Variants in ECPAS observed in about 807,000 individuals in gnomAD.
The protein encoded by ECPAS is proteasome adapter and scaffold protein ECM29.
ECPAS carries 70 observed loss-of-function variants against 255.1 expected under a neutral mutation model. The ratio of observed to expected loss-of-function variants is 0.27; its 90% confidence interval spans 0.23 to 0.33. The LOEUF (loss-of-function observed/expected upper bound fraction) is 0.33, where lower values mean the gene tolerates loss of function less well. Ranked by LOEUF, ECPAS falls within the 10% of genes least tolerant of loss-of-function variation. The pLI, the probability that ECPAS is intolerant of heterozygous loss-of-function variation, is 1.00. For missense variants in ECPAS, 1,817 were observed against 2,206.4 expected (o/e 0.82, Z 3.54); for synonymous variants, 784 against 775.0 (o/e 1.01, Z -0.19).
At position 111,361,646 on chromosome 9, in the gene ECPAS, A is replaced by G. The variant is rs1032439904; in HGVS notation, c.*384T>C. 1 of 155,160 alleles carries G rather than the reference A, an allele frequency of 6.4e-6. No individual in the cohort carries two copies. Among genetic ancestry groups the G allele is most frequent in the African/African-American group, 2.4e-5 (1 of 41,532 alleles). 9.6% of individuals were successfully genotyped at this position (155,160 alleles called of 1,614,324 possible). A position where few individuals can be genotyped will look rare whatever the true frequency, so the allele number is the denominator to read the frequency against. The stretch of plus-strand genomic sequence containing the variant: ...CTTCAGGTGTAAGAGGGAGGTTAAA[A>G]TAAGTTATTTATAGGGCCCCTTCCT... On this transcript the variant is annotated 3_prime_UTR_variant, in exon 50 of 50. Coordinates refer to ENST00000684092, the MANE Select transcript of ECPAS (RefSeq NM_001364929.1).
intron 26 of ECPAS, 125 bp from the exon 27 acceptor site, chr9:111,393,859 C>T: frequency 4.0e-6 from 3 of 757,244 alleles, no homozygotes; most frequent in Non-Finnish European, 6.5e-6. Context: ...CGCTGTTTTG[C>T]TCTCATCTTT....
chr9:111,410,149 A>T lies in ECPAS; in HGVS notation c.2442T>A (p.Ile814=). 6.2e-7 allele frequency: 1 copy of T among 1,612,844 alleles called. No homozygotes were observed. Among genetic ancestry groups the T allele is most frequent in the Non-Finnish European group, 8.5e-7 (1 of 1,179,494 alleles). Reference sequence around the variant, plus strand: ...GGATTGGAAGTGGACCATTTCTGCCAATTTCACCCAGGGCTGTGCAGGCAG... The same window carrying T: ...GGATTGGAAGTGGACCATTTCTGCCTATTTCACCCAGGGCTGTGCAGGCAG... The part of the protein sequence containing the change: ...AIAACTALGE[I]GRNGPLPIPS... Residue 814 remains isoleucine, a synonymous_variant, in exon 23 of 50, where the codon ATT becomes ATA. Coordinates refer to ENST00000684092, the MANE Select transcript of ECPAS (RefSeq NM_001364929.1).
At chr9:111,425,284 T>C in intron 12 of ECPAS, 134 bp downstream of exon 12, 2 of 573,592 alleles carry the variant, frequency 3.5e-6, no homozygotes, top group Non-Finnish European at 2.8e-6. Context: ...AAATTTGTAC[T>C]ATTTCAAGTA....
At chr9:111,448,591 G>A (rs996728686) in intron 3 of ECPAS, among the ~76,000 whole-genome samples, 2 of 152,190 alleles carry the variant, frequency 1.3e-5, no homozygotes, top group African/African-American at 4.8e-5. Flanking sequence ...CTGGAAGACA[G>A]GTTCAAGACA....
intron 15 of ECPAS, among the ~76,000 whole-genome samples, chr9:111,421,001 T>C (rs1365372620): frequency 2.0e-5 from 3 of 152,230 alleles, no homozygotes; most frequent in African/African-American, 7.2e-5. Flanking sequence ...TCTGTGTTTA[T>C]TCAAGCATCA....
rs2098113645 is a variant in ECPAS, at chr9:111,361,861, A to C, written c.*169T>G. On this transcript the variant is annotated 3_prime_UTR_variant, in exon 50 of 50. Transcript: ENST00000684092. ...CCCAGATACTTTAAAAACATAAAGT[A>C]AAATAAAGCTAATAAGGAACAAAAT... is the stretch of plus-strand genomic sequence containing the variant. 1 of 745,230 alleles carries C rather than the reference A, an allele frequency of 1.3e-6. No homozygotes were observed. Among genetic ancestry groups the C allele is most frequent in the African/African-American group, 1.8e-5 (1 of 55,702 alleles). The allele number at this position is 745,230 out of a possible 1,614,324, so 46.2% of individuals were successfully genotyped here.
rs557739244 is a variant in ECPAS, at chr9:111,390,083, G to A, written c.3180C>T (p.Tyr1060=). Residue 1060 remains tyrosine, a synonymous_variant, in exon 30 of 50, where the codon TAC becomes TAT. Coordinates refer to ENST00000684092, the MANE Select transcript of ECPAS (RefSeq NM_001364929.1). ...KTPDGQGLST[Y]KELCSLASDL... ...CACTTGCCAGAGAACAAAGTTCCTT[G>A]TAAGTAGAAAGGCCCTGACTTGGAA... 7.6e-6 allele frequency: 12 copies of A among 1,587,628 alleles called. No homozygotes were observed. The African/African-American group carries it at 1.2e-4, about 16-fold the overall frequency.
At chr9:111,414,130 A>G in intron 19 of ECPAS, 144 bp from the exon 20 acceptor site, 2 of 616,320 alleles carry the variant, frequency 3.2e-6, no homozygotes, top group Non-Finnish European at 5.4e-6. Flanking sequence ...AAACCTACAC[A>G]ACCTAAATAT....
At chr9:111,463,977 A>G (rs1363501915) in intron 2 of ECPAS, among the ~76,000 whole-genome samples, 1 of 152,220 alleles carries the variant, frequency 6.6e-6, no homozygotes, top group Non-Finnish European at 1.5e-5. Flanking sequence ...CAGTCAGCAA[A>G]GAGATAAGGA....
chr9:111,467,668 T>C (rs544102088), intron 2 of ECPAS, among the ~76,000 whole-genome samples: 3 of 152,216 alleles, frequency 2.0e-5, no homozygotes, highest in Non-Finnish European at 4.4e-5. Context: ...TTTTAAAAGA[T>C]CTATCAAGTT....
chr9:111,443,802 G>A (rs941844184), intron 4 of ECPAS, among the ~76,000 whole-genome samples: 24 of 151,762 alleles, frequency 1.6e-4, no homozygotes, highest in African/African-American at 5.8e-4. Context: ...ACAAGGACCA[G>A]GAAAAAAAAC....
At chr9:111,467,204 G>GA (rs1242620678) in intron 2 of ECPAS, among the ~76,000 whole-genome samples, 2 of 151,544 alleles carry the variant, frequency 1.3e-5, no homozygotes, top group Non-Finnish European at 2.9e-5. Flanking sequence ...AAAGAGAAGA[G>GA]AAAAAAGAAG....
chr9:111,392,232 T>A (rs1361633867), intron 28 of ECPAS, among the ~76,000 whole-genome samples: 2 of 152,062 alleles, frequency 1.3e-5, no homozygotes, highest in Admixed American at 1.3e-4. Context: ...AGAGCAAGAC[T>A]ACAACAACAA....
intron 25 of ECPAS, among the ~76,000 whole-genome samples, chr9:111,395,537 G>C (rs942750015): frequency 1.4e-4 from 22 of 152,076 alleles, no homozygotes; most frequent in African/African-American, 5.1e-4. Flanking sequence ...TGGACAATTG[G>C]AGATTCCTTT....
rs2098124122 is a variant in ECPAS, at chr9:111,369,030, C to A, written c.5113+5G>T. The A allele has an allele frequency of 6.4e-7, 1 of 1,561,510 alleles. No individual in the cohort carries two copies. The highest frequency in any genetic ancestry group is 2.1e-5 in the Admixed American group (1 of 46,916). On this transcript the variant is annotated splice_donor_5th_base_variant and intron_variant, in intron 46 of 49. Transcript: ENST00000684092. ...AGCACTTCAAATGCAGTTTCTGGTGCTTACGTTGGGTCTCCGCGTTTCGCG... is the reference window on the plus strand; with the variant it reads ...AGCACTTCAAATGCAGTTTCTGGTGATTACGTTGGGTCTCCGCGTTTCGCG...
intron 48 of ECPAS, among the ~76,000 whole-genome samples, chr9:111,363,981 T>A (rs765477366): frequency 6.6e-5 from 10 of 152,166 alleles, no homozygotes; most frequent in Non-Finnish European, 1.3e-4. Context: ...CATCTTCGTA[T>A]CACGGATAAG....
intron 2 of ECPAS, among the ~76,000 whole-genome samples, chr9:111,463,503 A>T (rs2098275692): frequency 6.6e-6 from 1 of 152,250 alleles, no homozygotes; most frequent in Non-Finnish European, 1.5e-5. Context: ...AATGGAACAG[A>T]GTATGAAACA....
intron 36 of ECPAS, 39 bp downstream of exon 36, chr9:111,378,541 C>T: frequency 1.3e-6 from 2 of 1,585,214 alleles, no homozygotes; most frequent in South Asian, 1.1e-5. Context: ...GGGCTCTTCC[C>T]TCATGATACT....
chr9:111,439,140 C>A (rs2098242274), intron 6 of ECPAS, among the ~76,000 whole-genome samples: 1 of 152,142 alleles, frequency 6.6e-6, no homozygotes, highest in Admixed American at 6.5e-5. Flanking sequence ...CACACAGTGG[C>A]CATATAGGCG....
Sources: allele counts gnomAD v4.1 joint callset (sites outside exome capture counted in the v4.1 genomes callset), GRCh38; gene constraint gnomAD v4.1.1; transcripts MANE v1.5; gene names NCBI Gene and HGNC (gene_info 2026-07-23, HGNC 2026-07-21).